The following COL25A1 variants were observed in gnomAD, a reference collection of about 807,000 sequenced individuals.
The protein encoded by COL25A1 is collagen alpha-1(XXV) chain.
In COL25A1, 103 loss-of-function variants were observed where a neutral mutation model predicts 128.4. That is an observed-to-expected ratio of 0.80 (90% confidence interval 0.68 to 0.94). The LOEUF (loss-of-function observed/expected upper bound fraction) is 0.94. Among genes scored for constraint, COL25A1 ranks in the 40% least tolerant of loss-of-function variants. The pLI is 0.00. For missense variants in COL25A1, 745 were observed against 840.0 expected, an observed-to-expected ratio of 0.89 and a Z score of 1.40; for synonymous variants, 279 against 277.2, an observed-to-expected ratio of 1.01 and a Z score of -0.06.
At chr4:108,894,914 C>G (rs1413378763) in intron 16 of COL25A1, among the ~76,000 whole-genome samples, 2 of 152,116 alleles carry the variant, frequency 1.3e-5, no homozygotes, top group East Asian at 1.9e-4. Context: ...GTGGCTTTGT[C>G]CCCCAGGTAA....
chr4:108,959,957 A>T (rs1271792386), intron 8 of COL25A1, among the ~76,000 whole-genome samples: 3 of 152,136 alleles, frequency 2.0e-5, no homozygotes, highest in African/African-American at 7.2e-5. Flanking sequence ...CCTTTTATAA[A>T]ATTTTTGAAT....
intron 26 of COL25A1, among the ~76,000 whole-genome samples, chr4:108,850,102 T>C (rs1158376027): frequency 6.6e-6 from 1 of 152,186 alleles, no homozygotes; most frequent in East Asian, 1.9e-4. Context: ...GGTCCAATAA[T>C]GATGGCTTTG....
At chr4:109,146,128 A>G (rs1770922941) in intron 3 of COL25A1, among the ~76,000 whole-genome samples, 1 of 152,206 alleles carries the variant, frequency 6.6e-6, no homozygotes, top group Non-Finnish European at 1.5e-5. Flanking sequence ...CTTGCTGTAA[A>G]TTCAGTTTGG....
rs771374908 is a variant in COL25A1 at position 109,301,710 on chromosome 4, C to A, written c.297+13G>T. 51 of 1,607,458 alleles carry A rather than the reference C, an allele frequency of 3.2e-5. No homozygotes were observed. In the Admixed American group the frequency reaches 6.7e-4, roughly 21 times the overall value. ...GATGTTACCCACGTGCAAAATACCC[C>A]AGCCTCTCACACCTGAGCCAGAAGT... On this transcript the variant is annotated intron_variant, in intron 2 of 37. Coordinates refer to ENST00000399132, the MANE Select transcript of COL25A1 (RefSeq NM_198721.4).
At chr4:109,076,114 T>G (rs1477363235) in intron 3 of COL25A1, among the ~76,000 whole-genome samples, 1 of 152,184 alleles carries the variant, frequency 6.6e-6, no homozygotes. Flanking sequence ...GCATAGCTTA[T>G]ATGCAAATAT....
intron 3 of COL25A1, among the ~76,000 whole-genome samples, chr4:109,202,067 A>G (rs1460587639): frequency 1.3e-5 from 2 of 152,204 alleles, no homozygotes; most frequent in Non-Finnish European, 2.9e-5. Flanking sequence ...TATAGGTTCA[A>G]TGCAATCCCG....
intron 8 of COL25A1, among the ~76,000 whole-genome samples, chr4:108,956,467 G>A (rs188859543): frequency 5.3e-5 from 8 of 152,240 alleles, no homozygotes; most frequent in Non-Finnish European, 1.2e-4. Context: ...GTGCAATGGC[G>A]CAATCTTTGC....
intron 3 of COL25A1, among the ~76,000 whole-genome samples, chr4:109,101,828 T>C (rs1299185990): frequency 6.6e-6 from 1 of 152,176 alleles, no homozygotes. Flanking sequence ...GGGCCCCCCT[T>C]TCACACATCC....
intron 3 of COL25A1, among the ~76,000 whole-genome samples, chr4:109,235,387 G>C (rs1326418803): frequency 1.3e-5 from 2 of 152,064 alleles, no homozygotes; most frequent in African/African-American, 2.4e-5. Flanking sequence ...TGGATGTGCA[G>C]GGCTATGTGC....
chr4:108,826,398 C>T (rs1324941392), intron 33 of COL25A1, among the ~76,000 whole-genome samples: 1 of 152,064 alleles, frequency 6.6e-6, no homozygotes, highest in African/African-American at 2.4e-5. Flanking sequence ...ATTAGCTGGG[C>T]ATGGTGGCAC....
At chr4:108,894,819 G>A (rs1741938968) in intron 16 of COL25A1, among the ~76,000 whole-genome samples, 1 of 152,176 alleles carries the variant, frequency 6.6e-6, no homozygotes, top group African/African-American at 2.4e-5. Context: ...GTATTAAACA[G>A]ATTCATGCCA....
intron 3 of COL25A1, among the ~76,000 whole-genome samples, chr4:109,278,394 GC>G (rs1259743865): frequency 9.2e-5 from 14 of 152,188 alleles, no homozygotes; most frequent in African/African-American, 1.9e-4. Flanking sequence ...CAAAGAAAAA[GC>G]CTGGATGCCT....
intron 3 of COL25A1, among the ~76,000 whole-genome samples, chr4:109,106,766 A>G (rs959164162): frequency 4.4e-5 from 6 of 135,614 alleles, no homozygotes; most frequent in Admixed American, 3.0e-4. Flanking sequence ...TTTTAAAAAA[A>G]TTTTTTGGGG....
chr4:109,095,358 T>C (rs772950114), intron 3 of COL25A1, among the ~76,000 whole-genome samples: 50 of 152,216 alleles, frequency 3.3e-4, no homozygotes, highest in Non-Finnish European at 6.5e-4. Context: ...AATTCTCTTA[T>C]CAAAATATAC....
chr4:109,028,256 G>A (rs28412324), intron 5 of COL25A1, among the ~76,000 whole-genome samples: 2,178 of 152,170 alleles, frequency 0.014, 35 homozygotes, highest in Middle Eastern at 0.037. Context: ...CTACAGCCAC[G>A]TACCACCACA....
At chr4:109,227,213 G>A (rs554634617) in intron 3 of COL25A1, among the ~76,000 whole-genome samples, 28 of 152,038 alleles carry the variant, frequency 1.8e-4, no homozygotes, top group African/African-American at 6.3e-4. Flanking sequence ...CTTATCCACA[G>A]AGTCAACATT....
At chr4:109,017,052 C>A (rs1355954719) in intron 5 of COL25A1, among the ~76,000 whole-genome samples, 1 of 152,244 alleles carries the variant, frequency 6.6e-6, no homozygotes, top group African/African-American at 2.4e-5. Flanking sequence ...GGCTGTGACT[C>A]CCTCTTCGGG....
intron 3 of COL25A1, among the ~76,000 whole-genome samples, chr4:109,241,626 C>CG (rs576833172): frequency 7.5e-6 from 1 of 133,968 alleles, no homozygotes; most frequent in Non-Finnish European, 1.7e-5. Context: ...TCTGTCTAGC[C>CG]AAAAAAAAAA....
intron 3 of COL25A1, among the ~76,000 whole-genome samples, chr4:109,238,495 G>T (rs1018630835): frequency 6.6e-6 from 1 of 152,052 alleles, no homozygotes; most frequent in Non-Finnish European, 1.5e-5. Context: ...CTTACTGCAT[G>T]TGAGGCTCTG....
Sources: allele counts gnomAD v4.1 joint callset (sites outside exome capture counted in the v4.1 genomes callset), GRCh38; gene constraint gnomAD v4.1.1; transcripts MANE v1.5; gene names NCBI Gene and HGNC (gene_info 2026-07-23, HGNC 2026-07-21).